Variants in SHROOM3 observed in about 807,000 individuals in gnomAD.
The protein encoded by SHROOM3 is protein Shroom3.
SHROOM3 carries 47 observed loss-of-function variants against 138.6 expected under a neutral mutation model. That is an observed-to-expected ratio of 0.34 (90% CI 0.27 to 0.43). The LOEUF (loss-of-function observed/expected upper bound fraction) is 0.43. Ranked by LOEUF, SHROOM3 falls within the 20% of genes least tolerant of loss-of-function variation. The pLI is 1.00. For synonymous variants in SHROOM3, 1,062 were observed against 1,063.3 expected (o/e 1.00, Z 0.02); for missense variants, 2,491 against 2,596.5 (o/e 0.96, Z 0.88).
intron 1 of SHROOM3, among the ~76,000 whole-genome samples, chr4:76,460,477 T>C (rs2109975401): frequency 6.6e-6 from 1 of 152,302 alleles, no homozygotes; most frequent in South Asian, 2.1e-4. Flanking sequence ...ATTAGTTTAT[T>C]AGAGCTGGCA....
At chr4:76,731,958 G>A (rs527408300) in intron 4 of SHROOM3, among the ~76,000 whole-genome samples, 1 of 152,090 alleles carries the variant, frequency 6.6e-6, no homozygotes, top group South Asian at 2.1e-4. Context: ...TTGTTGTATG[G>A]GTCAAGGTTT....
intron 2 of SHROOM3, among the ~76,000 whole-genome samples, chr4:76,567,475 C>T (rs371406180): frequency 2.0e-5 from 3 of 152,050 alleles, no homozygotes; most frequent in Non-Finnish European, 4.4e-5. Context: ...ACGATAAAAC[C>T]CTGTCTCTAT....
At chr4:76,466,849 A>T (rs1560514914) in intron 1 of SHROOM3, among the ~76,000 whole-genome samples, 1 of 152,184 alleles carries the variant, frequency 6.6e-6, no homozygotes, top group Admixed American at 6.5e-5. Context: ...GGAAGCAATA[A>T]GTTTAGGTTT....
chr4:76,740,446 G>C lies in SHROOM3; in HGVS notation c.2273G>C (p.Arg758Pro), dbSNP rs772918332. 11 of 1,611,926 alleles carry C rather than the reference G, an allele frequency of 6.8e-6. No homozygotes were observed. Among genetic ancestry groups the C allele is most frequent in the Non-Finnish European group, 8.5e-6 (10 of 1,178,896 alleles). The change falls in exon 5 of 11, where the codon CGG becomes CCG. Residue 758 changes from arginine to proline, a missense_variant. Arg to Pro is a moderately radical substitution (Grantham distance 103). Coordinates refer to ENST00000296043, the MANE Select transcript of SHROOM3 (RefSeq NM_020859.4). This position sits in a 1 kb window ranked among gnomAD's most constrained non-coding sequence, Gnocchi z 4.0. ...CACCCGCACACATCCAGTCTGGGCC[G>C]GAGGGGGCCCGGCCCAGGCAGCGCC... Reference protein sequence around the residue: ...PSHPHTSSLGRRGPGPGSASA... With the variant: ...PSHPHTSSLGPRGPGPGSASA...
intron 2 of SHROOM3, among the ~76,000 whole-genome samples, chr4:76,579,296 G>A (rs976209584): frequency 4.6e-5 from 7 of 152,092 alleles, no homozygotes; most frequent in Non-Finnish European, 1.0e-4. Context: ...GTGAAACCCT[G>A]TCTCTACTAA....
At chr4:76,468,039 C>T (rs1190143720) in intron 1 of SHROOM3, among the ~76,000 whole-genome samples, 1 of 152,190 alleles carries the variant, frequency 6.6e-6, no homozygotes, top group African/African-American at 2.4e-5. Context: ...TGGCAAGCAG[C>T]CTGTTGGGAG....
rs541523349 is a variant in SHROOM3 at position 76,617,078 on chromosome 4, G to A, written c.323+61315G>A. Reference sequence around the variant, plus strand: ...AACTGGATGAGTATTACCCGCACAGGCTAATGGTGCGGGTGAAGAGCCTGG... The same window carrying A: ...AACTGGATGAGTATTACCCGCACAGACTAATGGTGCGGGTGAAGAGCCTGG... On this transcript the variant is annotated intron_variant, in intron 2 of 10. Coordinates refer to ENST00000296043, the MANE Select transcript of SHROOM3 (RefSeq NM_020859.4). Among the ~76,000 whole-genome samples the A allele has an allele frequency of 2.6e-5, 4 of 152,332 alleles. No homozygotes were observed. The East Asian group carries it at 5.8e-4, about 22-fold the overall frequency.
intron 5 of SHROOM3, among the ~76,000 whole-genome samples, chr4:76,748,604 TAG>T (rs1489022594): frequency 3.9e-5 from 6 of 152,218 alleles, no homozygotes; most frequent in African/African-American, 1.2e-4. Flanking sequence ...CAAAATGTAA[TAG>T]ACTGTCCTTT....
chr4:76,578,070 G>A (rs1227867929), intron 2 of SHROOM3, among the ~76,000 whole-genome samples: 1 of 151,832 alleles, frequency 6.6e-6, no homozygotes, highest in Non-Finnish European at 1.5e-5. Flanking sequence ...AATTAAATAA[G>A]GTTTATTATG....
chr4:76,470,475 A>G (rs1731346592), intron 1 of SHROOM3, among the ~76,000 whole-genome samples: 1 of 152,208 alleles, frequency 6.6e-6, no homozygotes, highest in South Asian at 2.1e-4. Context: ...ACAACAATAA[A>G]AAGAAAAAAT....
At chr4:76,544,548 T>TG (rs376328606) in intron 1 of SHROOM3, among the ~76,000 whole-genome samples, 162 of 151,168 alleles carry the variant, frequency 1.1e-3, no homozygotes, top group African/African-American at 3.3e-3. Context: ...TCCTGGCTTT[T>TG]TTTTGTTTTG....
At chr4:76,651,845 A>G (rs752299763) in intron 2 of SHROOM3, among the ~76,000 whole-genome samples, 29 of 152,204 alleles carry the variant, frequency 1.9e-4, no homozygotes, top group Non-Finnish European at 3.5e-4. Context: ...AATATGAGTC[A>G]TCTATACAGC....
At chr4:76,464,493 G>T (rs941093738) in intron 1 of SHROOM3, among the ~76,000 whole-genome samples, 9 of 152,022 alleles carry the variant, frequency 5.9e-5, no homozygotes, top group Non-Finnish European at 1.2e-4. Context: ...TTGAGTTAAT[G>T]CTGGAATGAG....
intron 2 of SHROOM3, among the ~76,000 whole-genome samples, chr4:76,607,652 G>T (rs1185073359): frequency 6.6e-6 from 1 of 152,102 alleles, no homozygotes; most frequent in African/African-American, 2.4e-5. Flanking sequence ...CAATAATGCT[G>T]TTGGGCCTGG....
chr4:76,557,262 C>CACACACACAT, intron 2 of SHROOM3, among the ~76,000 whole-genome samples: 1 of 148,128 alleles, frequency 6.8e-6, no homozygotes, highest in African/African-American at 2.5e-5. Context: ...CACACACACA[C>CACACACACAT]GAGGAATATT....
chr4:76,456,973 A>G lies in SHROOM3; in HGVS notation c.168+20753A>G, dbSNP rs193196499. Reference sequence around the variant, plus strand: ...AAGGGTGGCGGAGATTACAAAGTACATTGATCAGTTAGGGTGGGGCAGAAA... The same window carrying G: ...AAGGGTGGCGGAGATTACAAAGTACGTTGATCAGTTAGGGTGGGGCAGAAA... On this transcript the variant is annotated intron_variant, in intron 1 of 10. Coordinates refer to ENST00000296043, the MANE Select transcript of SHROOM3 (RefSeq NM_020859.4). Among the ~76,000 whole-genome samples the G allele has an allele frequency of 7.3e-3, 1,107 of 152,316 alleles. 14 individuals are homozygous for G. Among genetic ancestry groups the G allele is most frequent in the African/African-American group, 0.025 (1,050 of 41,566 alleles).
At chr4:76,627,663 C>CTT (rs35935280) in intron 2 of SHROOM3, among the ~76,000 whole-genome samples, 17,548 of 141,762 alleles carry the variant, frequency 0.12, 1,192 homozygotes, top group East Asian at 0.29. Flanking sequence ...TTGCAAAAGT[C>CTT]TTTTTTTTTT....
In SHROOM3 at chr4:76,621,210, T is replaced by C. The variant is rs143346900; in HGVS notation, c.323+65447T>C. ...CAGAGTCTCAGCACTGCAGAGAGCCTCACACTGGGCTAACACCTGTCCCAG... is the reference window on the plus strand; with the variant it reads ...CAGAGTCTCAGCACTGCAGAGAGCCCCACACTGGGCTAACACCTGTCCCAG... On this transcript the variant is annotated intron_variant, in intron 2 of 10. Coordinates refer to ENST00000296043, the MANE Select transcript of SHROOM3 (RefSeq NM_020859.4). Among the ~76,000 whole-genome samples, 521 of 151,426 alleles carry C rather than the reference T, an allele frequency of 3.4e-3. 3 individuals are homozygous for C. Among genetic ancestry groups the C allele is most frequent in the African/African-American group, 8.7e-3 (360 of 41,212 alleles).
chr4:76,531,095 A>G (rs1005761831), intron 1 of SHROOM3, among the ~76,000 whole-genome samples: 2 of 152,132 alleles, frequency 1.3e-5, no homozygotes, highest in African/African-American at 4.8e-5. Flanking sequence ...ATATAGCAGA[A>G]ACTTCTTACA....
Sources: allele counts gnomAD v4.1 joint callset (sites outside exome capture counted in the v4.1 genomes callset), GRCh38; gene constraint gnomAD v4.1.1; non-coding constraint Gnocchi (gnomAD v3.1); transcripts MANE v1.5; gene names NCBI Gene and HGNC (gene_info 2026-07-23, HGNC 2026-07-21).